The following KCNH7 variants were observed in gnomAD, a reference collection of about 807,000 sequenced individuals.
KCNH7 encodes the protein voltage-gated inwardly rectifying potassium channel KCNH7.
Under a neutral mutation model 120.8 loss-of-function variants are expected in KCNH7, and 49 were observed. That is an observed-to-expected ratio of 0.41 (90% confidence interval 0.32 to 0.51). The LOEUF (loss-of-function observed/expected upper bound fraction) is 0.51. KCNH7 is among the 20% of genes least tolerant of loss of function. The pLI, the probability that KCNH7 is intolerant of heterozygous loss-of-function variation, is 0.38. For missense variants in KCNH7, 1,097 were observed against 1,446.6 expected, an observed-to-expected ratio of 0.76 and a Z score of 3.92; for synonymous variants, 547 against 516.1, an observed-to-expected ratio of 1.06 and a Z score of -0.81.
intron 2 of KCNH7, among the ~76,000 whole-genome samples, chr2:162,786,462 T>A (rs888504496): frequency 6.6e-6 from 1 of 152,124 alleles, no homozygotes; most frequent in Non-Finnish European, 1.5e-5. Flanking sequence ...AAGCCAGATA[T>A]TGGACCCTGG....
chr2:162,376,991 T>G (rs1288689626), intron 14 of KCNH7, among the ~76,000 whole-genome samples: 1 of 152,180 alleles, frequency 6.6e-6, no homozygotes, highest in Non-Finnish European at 1.5e-5. Context: ...TTGTTTTTAT[T>G]GTGTTTTGTA....
intron 2 of KCNH7, among the ~76,000 whole-genome samples, chr2:162,674,616 TAAAAG>T (rs1165522663): frequency 6.6e-6 from 1 of 151,566 alleles, no homozygotes; most frequent in Non-Finnish European, 1.5e-5. Flanking sequence ...CTATAATAAT[TAAAAG>T]AGATGATATA....
intron 2 of KCNH7, among the ~76,000 whole-genome samples, chr2:162,585,928 T>C (rs1469237076): frequency 6.6e-6 from 1 of 152,076 alleles, no homozygotes. Flanking sequence ...TTGTCCAGAA[T>C]CTCACAATAC....
chr2:162,769,058 C>G (rs879309128), intron 2 of KCNH7: 1 of 152,136 alleles, frequency 6.6e-6, no homozygotes, highest in Admixed American at 6.6e-5. Context: ...TCTTGTTTAA[C>G]TTGGTTTAAC....
At chr2:162,628,706 G>T (rs1354207878) in intron 2 of KCNH7, among the ~76,000 whole-genome samples, 1 of 150,804 alleles carries the variant, frequency 6.6e-6, no homozygotes, top group Non-Finnish European at 1.5e-5. Context: ...TGTTTTTTTT[G>T]TTGTTGTTGC....
At chr2:162,779,463 T>C (rs1683392498) in intron 2 of KCNH7, among the ~76,000 whole-genome samples, 1 of 152,182 alleles carries the variant, frequency 6.6e-6, no homozygotes, top group African/African-American at 2.4e-5. Flanking sequence ...CCTCCCAAAG[T>C]GCTGGAATTA....
At chr2:162,613,676 A>G (rs1683046386) in intron 2 of KCNH7, among the ~76,000 whole-genome samples, 1 of 152,034 alleles carries the variant, frequency 6.6e-6, no homozygotes, top group South Asian at 2.1e-4. Context: ...GGCAAAACAA[A>G]CAAACAAACA....
At chr2:162,428,109 T>G (rs1687927101) in intron 8 of KCNH7, among the ~76,000 whole-genome samples, 1 of 151,856 alleles carries the variant, frequency 6.6e-6, no homozygotes, top group Admixed American at 6.6e-5. Flanking sequence ...TGATTTTAGA[T>G]CTCCTTTTTA....
chr2:162,392,463 G>A (rs756458296), intron 12 of KCNH7, among the ~76,000 whole-genome samples: 9 of 151,908 alleles, frequency 5.9e-5, no homozygotes, highest in Non-Finnish European at 1.3e-4. Flanking sequence ...AGTATTCATT[G>A]AGGAGAAAAG....
intron 12 of KCNH7, among the ~76,000 whole-genome samples, chr2:162,390,230 T>C (rs1379634314): frequency 4.6e-5 from 7 of 151,326 alleles, no homozygotes. Context: ...ATGTGTGTAG[T>C]GTATAATCGC....
chr2:162,693,028 A>T (rs1406983263), intron 2 of KCNH7, among the ~76,000 whole-genome samples: 1 of 152,238 alleles, frequency 6.6e-6, no homozygotes. Context: ...GTAAAAAGGA[A>T]AATTTAGATT....
intron 2 of KCNH7, among the ~76,000 whole-genome samples, chr2:162,546,904 G>C (rs1174298984): frequency 2.0e-5 from 3 of 152,034 alleles, no homozygotes; most frequent in Non-Finnish European, 4.4e-5. Flanking sequence ...CTGAAGAGAG[G>C]ACAAGTAATG....
chr2:162,414,692 T>C (rs963595081), intron 9 of KCNH7, among the ~76,000 whole-genome samples: 1 of 152,052 alleles, frequency 6.6e-6, no homozygotes, highest in African/African-American at 2.4e-5. Context: ...TATGGAAGTT[T>C]ACACACATAG....
At chr2:162,510,262 TAAGA>T (rs1453842223) in intron 5 of KCNH7, among the ~76,000 whole-genome samples, 1 of 151,642 alleles carries the variant, frequency 6.6e-6, no homozygotes, top group Non-Finnish European at 1.5e-5. Flanking sequence ...AAATAGATCC[TAAGA>T]AAGAAGATTA....
intron 8 of KCNH7, among the ~76,000 whole-genome samples, chr2:162,428,444 G>T (rs1222011643): frequency 6.6e-6 from 1 of 151,532 alleles, no homozygotes; most frequent in Non-Finnish European, 1.5e-5. Context: ...GACTTGTTTT[G>T]TAGCCCAGCA....
At chr2:162,838,388 A>G in intron 1 of KCNH7, 55 bp downstream of exon 1, 2 of 1,366,890 alleles carry the variant, frequency 1.5e-6, no homozygotes, top group South Asian at 1.2e-5. Context: ...GGTGGACGCC[A>G]AGTGCACTAA....
intron 2 of KCNH7, among the ~76,000 whole-genome samples, chr2:162,787,381 G>C (rs1360713947): frequency 6.6e-6 from 1 of 152,000 alleles, no homozygotes; most frequent in African/African-American, 2.4e-5. Context: ...TGCAACACCA[G>C]ACTCAGTGGC....
chr2:162,524,334 A>C (rs955859688), intron 3 of KCNH7, among the ~76,000 whole-genome samples: 1 of 151,986 alleles, frequency 6.6e-6, no homozygotes. Context: ...ACCACGGCAA[A>C]GGCCATAATG....
At chr2:162,444,773 A>G (rs1045393691) in intron 7 of KCNH7, among the ~76,000 whole-genome samples, 1 of 152,176 alleles carries the variant, frequency 6.6e-6, no homozygotes, top group Non-Finnish European at 1.5e-5. Context: ...TCAAAGATAT[A>G]TATTAATAAA....
Sources: gnomAD v4.1 joint callset for allele counts (sites outside exome capture counted in the v4.1 genomes callset) on GRCh38, gnomAD v4.1.1 for gene constraint, MANE v1.5 for transcripts, NCBI Gene and HGNC (gene_info 2026-07-23, HGNC 2026-07-21) for gene names.